The following ERICH1 variants were observed in gnomAD, a reference collection of about 807,000 sequenced individuals.
ERICH1 encodes glutamate-rich protein 1.
In ERICH1, 56 loss-of-function variants were observed where a neutral mutation model predicts 39.6. The ratio of observed to expected loss-of-function variants is 1.41; its 90% CI spans 1.14 to 1.77. The LOEUF (loss-of-function observed/expected upper bound fraction) is 1.77, where lower values mean the gene tolerates loss of function less well. Ranked by LOEUF, ERICH1 falls within the 40% of genes most tolerant of loss-of-function variation. The pLI, the probability that ERICH1 is intolerant of heterozygous loss-of-function variation, is 0.00. For synonymous variants in ERICH1, 313 were observed against 223.6 expected (o/e 1.40, Z -3.57); for missense variants, 826 against 575.4 (o/e 1.44, Z -4.45).
At chr8:633,176 C>T (rs915704635) in intron 3 of ERICH1, among the ~76,000 whole-genome samples, 3 of 151,852 alleles carry the variant, frequency 2.0e-5, no homozygotes, top group Non-Finnish European at 2.9e-5. Flanking sequence ...TGGGGCCGCC[C>T]AGGACAGACG....
chr8:709,691 G>C (rs1197929791), intron 2 of ERICH1, among the ~76,000 whole-genome samples: 1 of 152,168 alleles, frequency 6.6e-6, no homozygotes, highest in Non-Finnish European at 1.5e-5. Context: ...CAAAGGCCAA[G>C]TGCTTTGTCA....
At chr8:719,177 C>T (rs1412526922) in intron 1 of ERICH1, among the ~76,000 whole-genome samples, 2 of 152,106 alleles carry the variant, frequency 1.3e-5, no homozygotes, top group Admixed American at 6.5e-5. Flanking sequence ...TCAGGGAGGC[C>T]GTTTCAACCG....
At chr8:723,075 C>T (rs923023027) in intron 1 of ERICH1, among the ~76,000 whole-genome samples, 25 of 152,162 alleles carry the variant, frequency 1.6e-4, no homozygotes, top group Non-Finnish European at 3.1e-4. Flanking sequence ...GGCTTGGTGC[C>T]CACCTCATGG....
chr8:637,269 A>C (rs1220419852), intron 3 of ERICH1, among the ~76,000 whole-genome samples: 1 of 152,240 alleles, frequency 6.6e-6, no homozygotes, highest in African/African-American at 2.4e-5. Flanking sequence ...GGCATCCTGC[A>C]TTCCTAGCTG....
At chr8:716,289 G>A (rs1379782261) in intron 1 of ERICH1, among the ~76,000 whole-genome samples, 1 of 152,212 alleles carries the variant, frequency 6.6e-6, no homozygotes, top group Non-Finnish European at 1.5e-5. Context: ...GTGCACTGCT[G>A]GCAGGTGCTG....
At chr8:688,383 GCAGGCTCCA>G (rs1339725134) in intron 3 of ERICH1, among the ~76,000 whole-genome samples, 3 of 58,536 alleles carry the variant, frequency 5.1e-5, no homozygotes, top group Admixed American at 2.2e-4. Context: ...CGGTCCCTCC[GCAGGCTCCA>G]GAGGCGCCCA....
chr8:722,238 A>C (rs1160328308), intron 1 of ERICH1, among the ~76,000 whole-genome samples: 3 of 151,974 alleles, frequency 2.0e-5, no homozygotes, highest in Non-Finnish European at 4.4e-5. Context: ...GAAAAAAAAA[A>C]CCTGCAGGAA....
chr8:670,599 A>T (rs530203633), intron 4 of ERICH1, among the ~76,000 whole-genome samples: 1 of 152,206 alleles, frequency 6.6e-6, no homozygotes, highest in South Asian at 2.1e-4. Flanking sequence ...GGTCAGGCCG[A>T]TCCTCATCTC....
At chr8:726,547 A>G (rs989970619) in intron 1 of ERICH1, among the ~76,000 whole-genome samples, 9 of 147,600 alleles carry the variant, frequency 6.1e-5, no homozygotes, top group South Asian at 4.4e-4. Context: ...CACACCACAC[A>G]CAGACACGTG....
intron 2 of ERICH1, among the ~76,000 whole-genome samples, chr8:709,291 C>A (rs530847971): frequency 6.6e-6 from 1 of 152,186 alleles, no homozygotes; most frequent in African/African-American, 2.4e-5. Context: ...ACTTGACAGA[C>A]CAGAGTCTGA....
intron 3 of ERICH1, among the ~76,000 whole-genome samples, chr8:691,449 A>G (rs1808890683): frequency 1.3e-5 from 2 of 152,254 alleles, no homozygotes; most frequent in African/African-American, 4.8e-5. Context: ...CAGCATGGAC[A>G]ACGCGGTACA....
At chr8:686,983 G>T (rs1357563823) in intron 3 of ERICH1, among the ~76,000 whole-genome samples, 1 of 152,244 alleles carries the variant, frequency 6.6e-6, no homozygotes, top group Non-Finnish European at 1.5e-5. Context: ...AGCCACTCTG[G>T]AAAGGCTAAG....
downstream of ERICH1, among the ~76,000 whole-genome samples, chr8:660,577 C>A (rs1034141812): frequency 6.6e-6 from 1 of 152,258 alleles, no homozygotes; most frequent in African/African-American, 2.4e-5. Context: ...AATCCCCACC[C>A]AAAGACACTG....
chr8:704,802 T>C (rs1182853298), intron 2 of ERICH1, among the ~76,000 whole-genome samples: 1 of 152,052 alleles, frequency 6.6e-6, no homozygotes, highest in Non-Finnish European at 1.5e-5. Context: ...ACAGTGTAAG[T>C]GCGTGACTCT....
rs1417020800 is a variant in ERICH1, at chr8:645,551, C to A, written c.976+23047G>T. ...CTGAAGGAATTCTACAACAGACCTG[C>A]AATCATCCTCCCATTGTTCCCCCAG... On this transcript the variant is annotated intron_variant, in intron 3 of 3. Transcript: ENST00000522706. Among the ~76,000 whole-genome samples, 8 of 68,190 alleles carry A rather than the reference C, an allele frequency of 1.2e-4. 3 individuals are homozygous for A. The highest frequency in any genetic ancestry group is 3.0e-4 in the African/African-American group (8 of 27,064). 44.7% of individuals were successfully genotyped at this position (68,190 alleles called of 152,430 possible). A position where few individuals can be genotyped will look rare whatever the true frequency, so the allele number is the denominator to read the frequency against.
chr8:704,613 T>C (rs774114844), intron 2 of ERICH1, among the ~76,000 whole-genome samples: 2 of 152,060 alleles, frequency 1.3e-5, no homozygotes, highest in Admixed American at 6.5e-5. Flanking sequence ...ACAATACTGA[T>C]GTACAAACAT....
chr8:724,275 G>A (rs944277721), intron 1 of ERICH1, among the ~76,000 whole-genome samples: 10 of 152,180 alleles, frequency 6.6e-5, no homozygotes, highest in African/African-American at 2.4e-4. Context: ...GATTACTGGA[G>A]AACCAGCCCG....
chr8:726,446 G>A (rs1818688047), intron 1 of ERICH1, among the ~76,000 whole-genome samples: 1 of 150,696 alleles, frequency 6.6e-6, no homozygotes. Flanking sequence ...CGTGTACACA[G>A]GCACACAACA....
chr8:702,167 G>T (rs1812305985), intron 2 of ERICH1, among the ~76,000 whole-genome samples: 2 of 151,934 alleles, frequency 1.3e-5, no homozygotes, highest in African/African-American at 4.8e-5. Flanking sequence ...CCGGAAATTG[G>T]TAAGACAAGC....
Sources: allele counts gnomAD v4.1 joint callset (sites outside exome capture counted in the v4.1 genomes callset), GRCh38; gene constraint gnomAD v4.1.1; transcripts MANE v1.5; gene names NCBI Gene and HGNC (gene_info 2026-07-23, HGNC 2026-07-21).